The following AKR1D1 variants were observed in gnomAD, a reference collection of about 807,000 sequenced individuals.
AKR1D1 encodes delta(4)-3-ketosteroid 5-beta-reductase.
Under a neutral mutation model 42.6 loss-of-function variants are expected in AKR1D1, and 32 were observed. The ratio of observed to expected loss-of-function variants is 0.75; its 90% confidence interval spans 0.57 to 1.01. The LOEUF (loss-of-function observed/expected upper bound fraction) is 1.01, where lower values mean the gene tolerates loss of function less well. AKR1D1 is among the 50% of genes least tolerant of loss of function. AKR1D1 has a pLI of 0.00. For synonymous variants in AKR1D1, 123 were observed against 135.5 expected (o/e 0.91, Z 0.64); for missense variants, 364 against 402.2 (o/e 0.91, Z 0.81).
intron 2 of AKR1D1, 103 bp from the exon 3 acceptor site, chr7:138,091,665 C>A (rs199946516): frequency 2.2e-5 from 17 of 766,738 alleles, no homozygotes; most frequent in African/African-American, 3.6e-5. Flanking sequence ...CCCCCCATCT[C>A]AAAAAAAAAA....
chr7:138,080,387 T>C (rs1353298024), intron 1 of AKR1D1, among the ~76,000 whole-genome samples: 1 of 152,182 alleles, frequency 6.6e-6, no homozygotes, highest in Non-Finnish European at 1.5e-5. Context: ...CCATGCTGAC[T>C]GCTTTGGTTT....
intron 7 of AKR1D1, among the ~76,000 whole-genome samples, chr7:138,111,066 A>G (rs1439637633): frequency 6.6e-6 from 1 of 152,080 alleles, no homozygotes. Flanking sequence ...ATCTTGTCCT[A>G]TATATTTCAG....
rs148732404 is a variant in AKR1D1 at position 138,076,610 on chromosome 7, C to T, written c.92C>T (p.Ser31Leu). The T allele has an allele frequency of 4.5e-5, 73 of 1,608,830 alleles. No homozygotes were observed. The Middle Eastern group carries it at 5.2e-4, about 12-fold the overall frequency. ...IGLGTYSEPK[S>L]TPKGACATSV... is the part of the protein sequence containing the mutation. ...CTTGGTACCTACTCAGAACCTAAAT[C>T]GGTAAGCTTATTTTTTCTCTCTTTG... The change falls in exon 1 of 9, where the codon TCG becomes TTG. Residue 31 changes from serine to leucine, a missense_variant and splice_region_variant. By Grantham distance (145) the Ser-to-Leu change is moderately radical. Coordinates refer to ENST00000242375, the MANE Select transcript of AKR1D1 (RefSeq NM_005989.4).
chr7:138,090,964 T>C (rs1585726258), intron 2 of AKR1D1, among the ~76,000 whole-genome samples: 1 of 152,316 alleles, frequency 6.6e-6, no homozygotes, highest in East Asian at 1.9e-4. Context: ...TCACACCACC[T>C]GTCACAATGT....
chr7:138,100,088 C>CAGAAAAAAAA (rs1794262360), intron 4 of AKR1D1, among the ~76,000 whole-genome samples: 1 of 43,538 alleles, frequency 2.3e-5, no homozygotes, highest in Non-Finnish European at 3.8e-5. Flanking sequence ...GATTTCATCT[C>CAGAAAAAAAA]AAAAAAAAAA....
chr7:138,107,215 C>T (rs1383454350), intron 6 of AKR1D1, 200 bp from the exon 7 acceptor site: 1 of 748,812 alleles, frequency 1.3e-6, no homozygotes, highest in Non-Finnish European at 2.4e-6. Context: ...GCTCCATAAA[C>T]TTGCCTTGCT....
At chr7:138,115,592 A>G (rs1794618794) in intron 8 of AKR1D1, among the ~76,000 whole-genome samples, 1 of 152,252 alleles carries the variant, frequency 6.6e-6, no homozygotes, top group African/African-American at 2.4e-5. Flanking sequence ...GGAAATAACT[A>G]GAAAAATCAG....
At chr7:138,100,061 C>T (rs1369302381) in intron 4 of AKR1D1, among the ~76,000 whole-genome samples, 9 of 97,254 alleles carry the variant, frequency 9.3e-5, no homozygotes, top group African/African-American at 3.7e-4. Flanking sequence ...TGAACTCTAA[C>T]CTGGGCAATA....
At chr7:138,084,341 C>A (rs982377423) in intron 1 of AKR1D1, among the ~76,000 whole-genome samples, 2 of 149,824 alleles carry the variant, frequency 1.3e-5, no homozygotes, top group African/African-American at 5.0e-5. Context: ...CGGCTCCCTG[C>A]AAATTCTGCC....
In AKR1D1 at chr7:138,100,111, A is replaced by AAAC. The variant is rs1794264402; in HGVS notation, c.456+2170_456+2171insCAA. 1.4e-4 allele frequency among the ~76,000 whole-genome samples: 18 copies of AAAC among 127,676 alleles called. 1 individual carries two copies. Among genetic ancestry groups the AAAC allele is most frequent in the African/African-American group, 5.1e-4 (17 of 33,100 alleles). The allele number at this position is 127,676 out of a possible 152,430, so 83.8% of individuals were successfully genotyped here. On this transcript the variant is annotated intron_variant, in intron 4 of 8. Transcript: ENST00000242375. ...CTCAAAAAAAAAAAAAAAAAAAAAA[A>AAAC]AAAAAAACATAAAGAGAAAATGTTA...
chr7:138,110,302 G>GTAGTAAAAAGTTAAGAC (rs1306164123), intron 7 of AKR1D1, among the ~76,000 whole-genome samples: 1 of 152,118 alleles, frequency 6.6e-6, no homozygotes, highest in Non-Finnish European at 1.5e-5. Context: ...TAAAAACTAT[G>GTAGTAAAAAGTTAAGAC]TAGTAAAAAG....
chr7:138,114,329 C>T (rs1794591846), intron 8 of AKR1D1, among the ~76,000 whole-genome samples: 1 of 152,142 alleles, frequency 6.6e-6, no homozygotes, highest in Admixed American at 6.5e-5. Context: ...AGCTAACCAA[C>T]TGAAGTAGCT....
At chr7:138,101,688 CAA>C (rs1794322205) in intron 4 of AKR1D1, among the ~76,000 whole-genome samples, 1 of 152,020 alleles carries the variant, frequency 6.6e-6, no homozygotes, top group Non-Finnish European at 1.5e-5. Context: ...TTTTTAAAAA[CAA>C]TGCTAAACAT....
At chr7:138,086,195 T>C (rs780112240) in intron 1 of AKR1D1, among the ~76,000 whole-genome samples, 4 of 152,126 alleles carry the variant, frequency 2.6e-5, no homozygotes, top group Non-Finnish European at 5.9e-5. Context: ...GGAGACCCTG[T>C]CTCTAATAAT....
At chr7:138,100,556 G>A (rs1039634428) in intron 4 of AKR1D1, among the ~76,000 whole-genome samples, 1 of 151,550 alleles carries the variant, frequency 6.6e-6, no homozygotes, top group Non-Finnish European at 1.5e-5. Flanking sequence ...GTATTACATG[G>A]GATAAAGAAG....
intron 3 of AKR1D1, among the ~76,000 whole-genome samples, chr7:138,093,200 C>T (rs1324529077): frequency 2.0e-5 from 3 of 151,950 alleles, no homozygotes; most frequent in East Asian, 3.9e-4. Context: ...TCCCAAGTAG[C>T]CGGGACTACA....
chr7:138,084,072 T>A (rs1803113299), intron 1 of AKR1D1, among the ~76,000 whole-genome samples: 1 of 152,102 alleles, frequency 6.6e-6, no homozygotes, highest in Non-Finnish European at 1.5e-5. Flanking sequence ...CTACATAGGT[T>A]ATGAATTCTC....
chr7:138,086,555 G>A, intron 1 of AKR1D1, among the ~76,000 whole-genome samples: 1 of 152,108 alleles, frequency 6.6e-6, no homozygotes, highest in East Asian at 1.9e-4. Context: ...CTATAGTGAT[G>A]ACTTCCAACT....
rs748276618 is a variant in AKR1D1, at chr7:138,091,818, G to A, written c.312G>A (p.Arg104=). 2 of 1,614,134 alleles carry A rather than the reference G, an allele frequency of 1.2e-6. No homozygotes were observed. The highest frequency in any genetic ancestry group is 1.1e-5 in the South Asian group (1 of 91,074). ...VPEMVRPTLE[R]TLRVLQLDYV... ...AGATGGTCCGCCCAACCCTGGAGAGGACACTCAGGGTCCTCCAGCTAGATT... is the reference window on the plus strand; with the variant it reads ...AGATGGTCCGCCCAACCCTGGAGAGAACACTCAGGGTCCTCCAGCTAGATT... Residue 104 remains arginine (R), a synonymous_variant, in exon 3 of 9, where the codon AGG becomes AGA. Coordinates refer to ENST00000242375, the MANE Select transcript of AKR1D1 (RefSeq NM_005989.4).
Sources: allele counts gnomAD v4.1 joint callset (sites outside exome capture counted in the v4.1 genomes callset), GRCh38; gene constraint gnomAD v4.1.1; transcripts MANE v1.5; gene names NCBI Gene and HGNC (gene_info 2026-07-23, HGNC 2026-07-21).